The following IFT81 variants were observed in gnomAD, a reference collection of about 807,000 sequenced individuals.
IFT81 encodes intraflagellar transport protein 81 homolog.
IFT81 carries 72 observed loss-of-function variants against 102.6 expected under a neutral mutation model. The ratio of observed to expected loss-of-function variants is 0.70; its 90% CI spans 0.58 to 0.85. The LOEUF is 0.85. IFT81 is among the 40% of genes least tolerant of loss of function. The pLI is 0.00. For synonymous variants in IFT81, 237 were observed against 242.7 expected (o/e 0.98, Z 0.22); for missense variants, 723 against 787.3 (o/e 0.92, Z 0.98).
intron 10 of IFT81, among the ~76,000 whole-genome samples, chr12:110,151,316 C>T (rs1895513849): frequency 6.6e-6 from 1 of 152,138 alleles, no homozygotes; most frequent in Non-Finnish European, 1.5e-5. Context: ...CTTAGCGTAA[C>T]ATTTTTAAAG....
chr12:110,179,360 G>A (rs1897185128), intron 11 of IFT81, among the ~76,000 whole-genome samples: 4 of 151,984 alleles, frequency 2.6e-5, no homozygotes, highest in South Asian at 4.2e-4. Context: ...ATTTTTATAA[G>A]GTTGTCTTTC....
At chr12:110,180,021 A>G (rs1447698057) in intron 11 of IFT81, among the ~76,000 whole-genome samples, 1 of 151,950 alleles carries the variant, frequency 6.6e-6, no homozygotes, top group African/African-American at 2.4e-5. Flanking sequence ...GACACAGAGG[A>G]TACAACGTAG....
At chr12:110,135,557 A>T in intron 7 of IFT81, 120 bp downstream of exon 7, 1 of 608,112 alleles carries the variant, frequency 1.6e-6, no homozygotes, top group Non-Finnish European at 2.9e-6. Flanking sequence ...AACATAATGG[A>T]ATACTCTTTT....
chr12:110,175,553 A>G (rs1031080581), intron 11 of IFT81, among the ~76,000 whole-genome samples: 1 of 152,234 alleles, frequency 6.6e-6, no homozygotes, highest in Non-Finnish European at 1.5e-5. Context: ...TCTGATGCAC[A>G]TATGTTTAGA....
At chr12:110,138,676 AC>A (rs1157221715) in intron 8 of IFT81, among the ~76,000 whole-genome samples, 1 of 151,906 alleles carries the variant, frequency 6.6e-6, no homozygotes, top group Non-Finnish European at 1.5e-5. Context: ...CAGGTGATCC[AC>A]CCGCCTCAGC....
At chr12:110,169,718 A>G (rs962888325) in intron 11 of IFT81, among the ~76,000 whole-genome samples, 3 of 151,890 alleles carry the variant, frequency 2.0e-5, no homozygotes, top group Non-Finnish European at 2.9e-5. Flanking sequence ...GCCCACCACC[A>G]TGCCCGACTA....
chr12:110,135,084 A>G, intron 6 of IFT81, 71 bp downstream of exon 6: 2 of 1,162,740 alleles, frequency 1.7e-6, no homozygotes, highest in East Asian at 4.7e-5. Context: ...AGGAATGCAA[A>G]TAAAGATTCA....
At position 110,209,221 on chromosome 12, in the gene IFT81, G is replaced by T. The variant is rs780540872; in HGVS notation, c.1848+5G>T. On this transcript the variant is annotated splice_donor_5th_base_variant and intron_variant, in intron 18 of 18. Transcript: ENST00000242591. ...GAACAAGAAAACCTTGGAAAGGTAAGAATTATTATTTATTTTTTTAAATGT... is the reference window on the plus strand; with the variant it reads ...GAACAAGAAAACCTTGGAAAGGTAATAATTATTATTTATTTTTTTAAATGT... The T allele has an allele frequency of 3.4e-6, 5 of 1,477,764 alleles. No individual in the cohort carries two copies. The East Asian group carries it at 1.1e-4, about 34-fold the overall frequency. The allele number at this position is 1,477,764 out of a possible 1,614,324, so 91.5% of individuals were successfully genotyped here. A position where few individuals can be genotyped will look rare whatever the true frequency, so the allele number is the denominator to read the frequency against.
chr12:110,169,467 T>G (rs1234127898), intron 11 of IFT81, among the ~76,000 whole-genome samples: 1 of 152,202 alleles, frequency 6.6e-6, no homozygotes, highest in East Asian at 1.9e-4. Context: ...TAGTGTTATT[T>G]TTTTTGTTTA....
At chr12:110,206,949 T>G (rs764239429) in intron 17 of IFT81, among the ~76,000 whole-genome samples, 2 of 152,140 alleles carry the variant, frequency 1.3e-5, no homozygotes, top group African/African-American at 2.4e-5. Context: ...TTAAGTTCTA[T>G]TTCTTCCAAA....
Position 110,127,343 on chromosome 12 carries a change from C to A in IFT81, c.-21-17C>A, listed in dbSNP as rs572493057. ...TTGCCAGTATTAAGGATTTTTTTTT[C>A]TATTTTTACTCTTTAGTTAAAATTA... On this transcript the variant is annotated splice_polypyrimidine_tract_variant and intron_variant, in intron 1 of 18. Coordinates refer to ENST00000242591, the MANE Select transcript of IFT81 (RefSeq NM_014055.4). 8.3e-5 allele frequency: 119 copies of A among 1,430,210 alleles called. No individual in the cohort carries two copies. The Middle Eastern group carries it at 2.6e-3, about 31-fold the overall frequency. 88.6% of individuals were successfully genotyped at this position (1,430,210 alleles called of 1,614,324 possible).
At position 110,129,181 on chromosome 12, in the gene IFT81, A is replaced by G. The variant is rs754118723; in HGVS notation, c.429+51A>G. On this transcript the variant is annotated intron_variant, in intron 4 of 18. Transcript: ENST00000242591. The stretch of plus-strand genomic sequence containing the variant: ...GAAACTGTAATGGATTTCAAGGTGT[A>G]TATATTCAAATACATGTTACTCTTT... 2.8e-5 allele frequency: 36 copies of G among 1,290,198 alleles called. No homozygotes were observed. The East Asian group carries it at 7.9e-4, about 28-fold the overall frequency. 79.9% of individuals were successfully genotyped at this position (1,290,198 alleles called of 1,614,324 possible).
At chr12:110,174,742 C>T (rs1465163117) in intron 11 of IFT81, among the ~76,000 whole-genome samples, 1 of 152,028 alleles carries the variant, frequency 6.6e-6, no homozygotes, top group African/African-American at 2.4e-5. Flanking sequence ...AAAAGCTAGC[C>T]CAGATTCTGA....
intron 9 of IFT81, among the ~76,000 whole-genome samples, chr12:110,145,829 G>A (rs1322749171): frequency 1.3e-5 from 2 of 151,442 alleles, no homozygotes. Context: ...TTTTGTTTTT[G>A]AGATGGAGTC....
chr12:110,172,830 G>A (rs544944649), intron 11 of IFT81, among the ~76,000 whole-genome samples: 11 of 151,360 alleles, frequency 7.3e-5, no homozygotes, highest in East Asian at 2.0e-4. Flanking sequence ...AGTGAGGAGC[G>A]TCTCTGCCTG....
chr12:110,163,530 C>T (rs1209392427), intron 11 of IFT81, among the ~76,000 whole-genome samples: 1 of 149,246 alleles, frequency 6.7e-6, no homozygotes. Flanking sequence ...CGTGAGCCAC[C>T]ACGCCTGGCC....
In IFT81 at chr12:110,180,429, GA is replaced by G; in HGVS notation, c.1197del (p.Tyr400MetfsTer18). ...ATTGTGTTTTTTTTACAGTTCAAAC[GA>G]TATGTCAATAAACTTCGAAGCAAGA... is the stretch of plus-strand genomic sequence containing the variant. ...TEVLKGDEFK[R>X]YVNKLRSKST... On this transcript the variant is annotated frameshift_variant, in exon 12 of 19. Transcript: ENST00000242591. LOFTEE classifies it high-confidence loss of function. 6.3e-7 allele frequency: 1 copy of G among 1,595,416 alleles called. No homozygotes were observed. Among genetic ancestry groups the G allele is most frequent in the Non-Finnish European group, 8.6e-7 (1 of 1,166,312 alleles).
At chr12:110,149,055 A>T (rs1402244016) in intron 10 of IFT81, among the ~76,000 whole-genome samples, 4 of 152,174 alleles carry the variant, frequency 2.6e-5, no homozygotes, top group African/African-American at 4.8e-5. Flanking sequence ...GTTTTGGCTA[A>T]TGGGAGGCTT....
intron 10 of IFT81, among the ~76,000 whole-genome samples, chr12:110,154,866 TCA>T: frequency 6.6e-6 from 1 of 152,154 alleles, no homozygotes. Flanking sequence ...TCTATATGTC[TCA>T]GTTTTCTATA....
Sources: allele counts gnomAD v4.1 joint callset (sites outside exome capture counted in the v4.1 genomes callset), GRCh38; gene constraint gnomAD v4.1.1; transcripts MANE v1.5; gene names NCBI Gene and HGNC (gene_info 2026-07-23, HGNC 2026-07-21).